Variants in MACROD1 observed in about 807,000 individuals in gnomAD.
The protein encoded by MACROD1 is ADP-ribose glycohydrolase MACROD1.
MACROD1 carries 31 observed loss-of-function variants against 41.4 expected under a neutral mutation model. The ratio of observed to expected loss-of-function variants is 0.75; its 90% CI spans 0.56 to 1.01. The LOEUF is 1.01. Ranked by LOEUF, MACROD1 falls within the 50% of genes least tolerant of loss-of-function variation. MACROD1 has a pLI of 0.00. For synonymous variants in MACROD1, 252 were observed against 203.4 expected (o/e 1.24, Z -2.03); for missense variants, 473 against 460.0 (o/e 1.03, Z -0.26).
intron 1 of MACROD1, among the ~76,000 whole-genome samples, chr11:64,158,810 C>T (rs533769790): frequency 1.3e-5 from 2 of 152,284 alleles, no homozygotes; most frequent in Admixed American, 6.5e-5. Context: ...ACTGCCTTTA[C>T]AGTGAGGGTG....
chr11:64,116,816 C>T (rs1030400423), intron 3 of MACROD1: 1 of 1,613,348 alleles, frequency 6.2e-7, no homozygotes, highest in Non-Finnish European at 8.5e-7. Flanking sequence ...AGCTGCTCTT[C>T]CTGAGCCGGA....
chr11:64,130,906 G>A (rs1171999866), intron 3 of MACROD1, among the ~76,000 whole-genome samples: 1 of 152,240 alleles, frequency 6.6e-6, no homozygotes, highest in Non-Finnish European at 1.5e-5. Context: ...TATTTGCAAT[G>A]CTGCCAAGCC....
intron 4 of MACROD1, chr11:64,001,787 G>A (rs1942830224): frequency 4.3e-6 from 3 of 701,588 alleles, no homozygotes; most frequent in Non-Finnish European, 7.8e-6. Context: ...CGGGCGTCCA[G>A]GCTGGAGCTC....
intron 3 of MACROD1, among the ~76,000 whole-genome samples, chr11:64,097,025 C>A (rs1444379628): frequency 3.3e-5 from 5 of 152,206 alleles, no homozygotes; most frequent in Non-Finnish European, 7.3e-5. Flanking sequence ...GCACTCCAGG[C>A]GGATGAGAAC....
intron 4 of MACROD1, among the ~76,000 whole-genome samples, chr11:64,009,960 G>A (rs964922727): frequency 1.4e-4 from 22 of 152,254 alleles, no homozygotes; most frequent in Non-Finnish European, 2.4e-4. Context: ...GGTGTTGGCC[G>A]GGGTGTTGGC....
At chr11:64,032,216 T>G (rs1368878178) in intron 3 of MACROD1, among the ~76,000 whole-genome samples, 1 of 152,216 alleles carries the variant, frequency 6.6e-6, no homozygotes, top group Non-Finnish European at 1.5e-5. Flanking sequence ...GTGGCCCAGC[T>G]TTAGTTGACC....
At chr11:64,113,539 T>C (rs1446902537) in intron 3 of MACROD1, among the ~76,000 whole-genome samples, 1 of 149,100 alleles carries the variant, frequency 6.7e-6, no homozygotes, top group Non-Finnish European at 1.5e-5. Context: ...GACAGGTGGA[T>C]GCATGGATGG....
At chr11:64,027,763 C>T (rs1456351088) in intron 3 of MACROD1, among the ~76,000 whole-genome samples, 1 of 152,144 alleles carries the variant, frequency 6.6e-6, no homozygotes, top group Non-Finnish European at 1.5e-5. Context: ...CTACAATTTC[C>T]GTGGGAGGAT....
chr11:64,055,400 G>A (rs965803715), intron 3 of MACROD1, among the ~76,000 whole-genome samples: 5 of 152,232 alleles, frequency 3.3e-5, no homozygotes, highest in Non-Finnish European at 7.3e-5. Context: ...AGAAACGATG[G>A]GGGATGGGTG....
intron 3 of MACROD1, 120 bp downstream of exon 3, chr11:64,151,119 T>C (rs984571877): frequency 8.6e-6 from 7 of 812,340 alleles, no homozygotes; most frequent in African/African-American, 1.7e-5. Context: ...CAGCAGGCTG[T>C]CCTTGCCAGC....
At chr11:64,132,590 C>T (rs1402118308) in intron 3 of MACROD1, among the ~76,000 whole-genome samples, 1 of 152,130 alleles carries the variant, frequency 6.6e-6, no homozygotes, top group African/African-American at 2.4e-5. Context: ...TGGAATCTGC[C>T]ACCAGGAAGA....
intron 3 of MACROD1, among the ~76,000 whole-genome samples, chr11:64,129,120 T>C (rs1945229133): frequency 6.6e-6 from 1 of 152,228 alleles, no homozygotes; most frequent in South Asian, 2.1e-4. Flanking sequence ...TCTCAAACTG[T>C]GTTCCTCAGC....
intron 3 of MACROD1, among the ~76,000 whole-genome samples, chr11:64,094,146 G>C (rs1343988164): frequency 6.6e-6 from 1 of 152,154 alleles, no homozygotes; most frequent in African/African-American, 2.4e-5. Context: ...AAAATACAAA[G>C]CTTAGGCTGG....
chr11:64,015,277 G>A lies in MACROD1; in HGVS notation c.522C>T (p.Asn174=), dbSNP rs770630066. The A allele has an allele frequency of 5.0e-6, 8 of 1,606,864 alleles. No homozygotes were observed. The South Asian group carries it at 8.9e-5, about 18-fold the overall frequency. The change falls in exon 4 of 11, where the codon AAC becomes AAT. Residue 174 remains asparagine (N), a synonymous_variant. Transcript: ENST00000255681. ...LEVDAIVNAA[N]SSLLGGGGVD... ...CGCCACCGCCTCCGAGCAGGGAGCT[G>A]TTGGCTGCAAGAGAGAGAGACAAAG... is the stretch of plus-strand genomic sequence containing the variant.
At chr11:64,017,971 CA>C (rs1943104431) in intron 3 of MACROD1, among the ~76,000 whole-genome samples, 1 of 152,204 alleles carries the variant, frequency 6.6e-6, no homozygotes, top group Non-Finnish European at 1.5e-5. Context: ...CTGGCGCCCC[CA>C]AACTCCACTG....
At chr11:63,999,929 C>A in intron 5 of MACROD1, 166 bp from the exon 6 acceptor site, 1 of 771,296 alleles carries the variant, frequency 1.3e-6, no homozygotes, top group Non-Finnish European at 2.0e-6. Flanking sequence ...GAGCCCGAAT[C>A]CGCACGCGCA....
intron 3 of MACROD1, among the ~76,000 whole-genome samples, chr11:64,091,238 C>G (rs1027632588): frequency 6.6e-6 from 1 of 151,972 alleles, no homozygotes; most frequent in Non-Finnish European, 1.5e-5. Context: ...GGTCTGCAGC[C>G]CACGGAGTGT....
At position 64,116,434 on chromosome 11, in the gene MACROD1, C is replaced by T. The variant is rs142372756; in HGVS notation, c.517+34805G>A. 1,049 of 1,614,034 alleles carry T rather than the reference C, an allele frequency of 6.5e-4. 7 individuals carry two copies. The highest frequency in any genetic ancestry group is 1.1e-4 in the Non-Finnish European group (125 of 1,180,028). On this transcript the variant is annotated intron_variant, in intron 3 of 10. Coordinates refer to ENST00000255681, the MANE Select transcript of MACROD1 (RefSeq NM_014067.4). ...GTCATCGACAGCACCACCTGCCCCT[C>T]GGTGTGCCGCTGCGACAACGGCTTC...
intron 1 of MACROD1, among the ~76,000 whole-genome samples, chr11:64,154,722 T>C (rs566055792): frequency 1.3e-5 from 2 of 152,174 alleles, no homozygotes; most frequent in African/African-American, 2.4e-5. Context: ...TTTACACTTA[T>C]TCTTTTATTT....
Sources: allele counts gnomAD v4.1 joint callset (sites outside exome capture counted in the v4.1 genomes callset), GRCh38; gene constraint gnomAD v4.1.1; transcripts MANE v1.5; gene names NCBI Gene and HGNC (gene_info 2026-07-23, HGNC 2026-07-21).